Variants in VWA3B observed in about 807,000 individuals in gnomAD.
The protein encoded by VWA3B is von Willebrand factor A domain-containing protein 3B.
Under a neutral mutation model 158.3 loss-of-function variants are expected in VWA3B, and 138 were observed. The observed-to-expected ratio is 0.87, with a 90% CI of 0.76 to 1.00. The LOEUF (loss-of-function observed/expected upper bound fraction) is 1.00, where lower values mean the gene tolerates loss of function less well. VWA3B is among the 50% of genes least tolerant of loss of function. VWA3B has a pLI of 0.00. For missense variants in VWA3B, 1,555 were observed against 1,565.1 expected (o/e 0.99, Z 0.11); for synonymous variants, 596 against 587.3 (o/e 1.01, Z -0.21).
intron 26 of VWA3B, among the ~76,000 whole-genome samples, chr2:98,306,573 A>G (rs1436903105): frequency 6.6e-6 from 1 of 152,176 alleles, no homozygotes; most frequent in Admixed American, 6.5e-5. Context: ...CTACCCCAAC[A>G]ATGGTCCCTG....
chr2:98,141,022 G>A (rs1193074305), intron 7 of VWA3B, among the ~76,000 whole-genome samples: 2 of 152,150 alleles, frequency 1.3e-5, no homozygotes, highest in Non-Finnish European at 2.9e-5. Flanking sequence ...ACATTGCCTT[G>A]GCACCTGGCT....
At chr2:98,124,892 A>C (rs1326101965) in intron 5 of VWA3B, among the ~76,000 whole-genome samples, 1 of 152,222 alleles carries the variant, frequency 6.6e-6, no homozygotes, top group Non-Finnish European at 1.5e-5. Flanking sequence ...AAGCTGCAGA[A>C]TGAATGGCCC....
intron 13 of VWA3B, 172 bp downstream of exon 13, chr2:98,212,200 T>G: frequency 3.6e-6 from 2 of 549,032 alleles, no homozygotes; most frequent in Non-Finnish European, 6.5e-6. Flanking sequence ...TTCTTTTGTC[T>G]CTGGAAACTC....
At chr2:98,280,183 CTT>C (rs944217986) in intron 22 of VWA3B, among the ~76,000 whole-genome samples, 2 of 151,980 alleles carry the variant, frequency 1.3e-5, no homozygotes, top group African/African-American at 2.4e-5. Context: ...ATTTTTCTCT[CTT>C]TGTTTGTTTG....
chr2:98,170,058 T>G (rs563784937), intron 8 of VWA3B, among the ~76,000 whole-genome samples: 4 of 151,860 alleles, frequency 2.6e-5, no homozygotes, highest in Non-Finnish European at 2.9e-5. Context: ...AAGTGGGGAG[T>G]CGAGGTGGCA....
chr2:98,274,741 A>G (rs896018165), intron 22 of VWA3B, among the ~76,000 whole-genome samples: 1 of 152,186 alleles, frequency 6.6e-6, no homozygotes, highest in Non-Finnish European at 1.5e-5. Flanking sequence ...TAGAAAGATT[A>G]TTCTGACAGT....
At chr2:98,145,660 C>CT (rs2105131666) in intron 7 of VWA3B, among the ~76,000 whole-genome samples, 2 of 151,992 alleles carry the variant, frequency 1.3e-5, no homozygotes, top group South Asian at 2.1e-4. Context: ...TTCCATAGCA[C>CT]TTTTTTTCAT....
chr2:98,160,052 C>T (rs796512856), intron 7 of VWA3B, among the ~76,000 whole-genome samples: 37 of 151,806 alleles, frequency 2.4e-4, no homozygotes, highest in African/African-American at 8.0e-4. Context: ...CAGCTTCCTG[C>T]TGTTTCATCT....
At chr2:98,279,947 CT>C in intron 22 of VWA3B, among the ~76,000 whole-genome samples, 1 of 152,324 alleles carries the variant, frequency 6.6e-6, no homozygotes, top group South Asian at 2.1e-4. Flanking sequence ...GAAAAGTTTT[CT>C]TAAAGACTCA....
intron 22 of VWA3B, among the ~76,000 whole-genome samples, chr2:98,280,158 T>C (rs1688785806): frequency 1.3e-5 from 2 of 152,204 alleles, no homozygotes; most frequent in African/African-American, 4.8e-5. Flanking sequence ...GATATAAATA[T>C]GTAACACACT....
chr2:98,186,332 TCTC>T (rs1681047911), intron 9 of VWA3B, among the ~76,000 whole-genome samples: 1 of 151,870 alleles, frequency 6.6e-6, no homozygotes, highest in Non-Finnish European at 1.5e-5. Flanking sequence ...TCCTGGGTGG[TCTC>T]CTCCAGTCCC....
chr2:98,230,872 G>A (rs1471131354), intron 16 of VWA3B, among the ~76,000 whole-genome samples: 1 of 152,168 alleles, frequency 6.6e-6, no homozygotes, highest in African/African-American at 2.4e-5. Flanking sequence ...CCTATTTGCA[G>A]ATATTGTATT....
intron 14 of VWA3B, among the ~76,000 whole-genome samples, chr2:98,225,884 T>G (rs1216971647): frequency 6.6e-6 from 1 of 152,232 alleles, no homozygotes; most frequent in Admixed American, 6.5e-5. Flanking sequence ...TAAAAAAGTA[T>G]GTACAGCAGT....
At chr2:98,139,663 A>G (rs1352637972) in intron 7 of VWA3B, among the ~76,000 whole-genome samples, 4 of 150,364 alleles carry the variant, frequency 2.7e-5, no homozygotes, top group Non-Finnish European at 5.9e-5. Flanking sequence ...TTGTGTGGAC[A>G]CTCTGTATCT....
chr2:98,303,421 G>GGTGTGTGTGTGTGTGTGT (rs58157632), intron 25 of VWA3B, among the ~76,000 whole-genome samples: 18 of 146,648 alleles, frequency 1.2e-4, no homozygotes, highest in African/African-American at 4.3e-4. Context: ...GTTATGTGAA[G>GGTGTGTGTGTGTGTGTGT]GTGTGTGTGT....
In VWA3B at chr2:98,312,474, C is replaced by A; in HGVS notation, c.*125C>A. On this transcript the variant is annotated 3_prime_UTR_variant, in exon 28 of 28. Transcript: ENST00000477737. ...CGCCCTCCGCGCCGCCTATGCCTGC[C>A]CTGTCTGTAGCAAAGACTCCTCTCC... is the stretch of plus-strand genomic sequence containing the variant. The A allele has an allele frequency of 8.2e-7, 1 of 1,218,078 alleles. No individual in the cohort carries two copies. The highest frequency in any genetic ancestry group is 1.1e-6 in the Non-Finnish European group (1 of 896,670). 75.5% of individuals were successfully genotyped at this position (1,218,078 alleles called of 1,614,324 possible). A position where few individuals can be genotyped will look rare whatever the true frequency, so the allele number is the denominator to read the frequency against.
At chr2:98,121,977 TCA>T (rs1675006793) in intron 5 of VWA3B, 1 of 153,070 alleles carries the variant, frequency 6.5e-6, no homozygotes, top group Non-Finnish European at 1.5e-5. Flanking sequence ...CTGTCATCTG[TCA>T]CACACTTTCC....
chr2:98,144,149 A>G (rs1013882567), intron 7 of VWA3B, among the ~76,000 whole-genome samples: 1 of 152,166 alleles, frequency 6.6e-6, no homozygotes, highest in Non-Finnish European at 1.5e-5. Flanking sequence ...ATATATATGT[A>G]TGGATGGATG....
At chr2:98,227,232 G>A (rs768289812) in intron 14 of VWA3B, among the ~76,000 whole-genome samples, 1 of 152,134 alleles carries the variant, frequency 6.6e-6, no homozygotes, top group Non-Finnish European at 1.5e-5. Flanking sequence ...AAAATCACAA[G>A]CATTCCTGTA....
Sources: gnomAD v4.1 joint callset for allele counts (sites outside exome capture counted in the v4.1 genomes callset) on GRCh38, gnomAD v4.1.1 for gene constraint, MANE v1.5 for transcripts, NCBI Gene and HGNC (gene_info 2026-07-23, HGNC 2026-07-21) for gene names.